The following OR3A2 variants were observed in gnomAD, a reference collection of about 807,000 sequenced individuals.
OR3A2 encodes the protein olfactory receptor family 3 subfamily A member 2.
For missense variants in OR3A2, 318 were observed against 392.8 expected (o/e 0.81, Z 1.61); for synonymous variants, 126 against 159.3 (o/e 0.79, Z 1.57).
rs569988182 is a variant in OR3A2 at position 3,333,410 on chromosome 17, G to C, written c.-85+2623C>G. 7.6e-4 allele frequency among the ~76,000 whole-genome samples: 116 copies of C among 152,216 alleles called. 1 individual carries two copies. Among genetic ancestry groups the C allele is most frequent in the Admixed American group, 1.6e-3 (24 of 15,282 alleles). ...ATTTTGCCTTTGCCTTGTGATCTTTGCTTTGCCCTTTGCCTTGTGATCTTT... is the reference window on the plus strand; with the variant it reads ...ATTTTGCCTTTGCCTTGTGATCTTTCCTTTGCCCTTTGCCTTGTGATCTTT... On this transcript the variant is annotated intron_variant, in intron 3 of 4. Coordinates refer to the OR3A2 transcript ENST00000573491.
rs1222910196 is a variant in OR3A2 at position 3,326,002 on chromosome 17, C to T, written c.-85+10031G>A. Among the ~76,000 whole-genome samples the T allele has an allele frequency of 2.0e-5, 3 of 152,062 alleles. No homozygotes were observed. In the East Asian group the frequency reaches 5.8e-4, roughly 29 times the overall value. On this transcript the variant is annotated intron_variant, in intron 3 of 4. Transcript: ENST00000573491. ...TTCCCCGAATGTGTCCATGTGCTCT[C>T]ATAGTTCATCTCCCGCTTATAAGTG...
chr17:3,352,300 G>C (rs922045417), intron 2 of OR3A2, among the ~76,000 whole-genome samples: 5 of 151,800 alleles, frequency 3.3e-5, no homozygotes, highest in Non-Finnish European at 7.4e-5. Context: ...GCCTCTGCTT[G>C]TGGAATATTA....
upstream of OR3A2, among the ~76,000 whole-genome samples, chr17:3,284,929 G>C (rs115133950): frequency 6.6e-6 from 1 of 152,048 alleles, no homozygotes; most frequent in Non-Finnish European, 1.5e-5. Context: ...CCAGAAGGGA[G>C]ATAAGAGGGA....
chr17:3,278,242 CT>C lies in OR3A2; in HGVS notation c.675del (p.Ala226LeufsTer38). ...ACTGAACGGATTCGTAGAACTGCAG[CT>C]GCCACGTGGCTGTAGGCAGTGATGA... On this transcript the variant is annotated frameshift_variant, in exon 2 of 2. Transcript: ENST00000642052. LOFTEE classifies it low-confidence loss of function (END_TRUNC). 6.2e-7 allele frequency: 1 copy of C among 1,614,228 alleles called. No homozygotes were observed. The highest frequency in any genetic ancestry group is 1.3e-5 in the African/African-American group (1 of 75,054).
chr17:3,332,262 T>A (rs1436860083), intron 3 of OR3A2, among the ~76,000 whole-genome samples: 1 of 152,228 alleles, frequency 6.6e-6, no homozygotes, highest in East Asian at 1.9e-4. Flanking sequence ...CGCGGCTGCT[T>A]TGTTTACCTA....
At chr17:3,369,594 GTATAT>G (rs564163307) in intron 2 of OR3A2, among the ~76,000 whole-genome samples, 141 of 152,096 alleles carry the variant, frequency 9.3e-4, no homozygotes, top group Admixed American at 1.8e-3. Context: ...CTTGATCTTC[GTATAT>G]TATATTTTCG....
chr17:3,277,985 C>T (rs1345291464), exon 2 of OR3A2: 1 of 1,598,360 alleles, frequency 6.3e-7, no homozygotes, highest in South Asian at 1.1e-5. Flanking sequence ...TCAGTGATCT[C>T]CTCCCCAAAA....
intron 3 of OR3A2, among the ~76,000 whole-genome samples, chr17:3,300,572 T>C (rs2625455): frequency 1.3e-5 from 2 of 151,736 alleles, no homozygotes; most frequent in South Asian, 2.1e-4. Flanking sequence ...ATAAATAAAT[T>C]AATTAATTAA....
At chr17:3,279,423 A>G (rs1689382683) in intron 1 of OR3A2, among the ~76,000 whole-genome samples, 1 of 152,244 alleles carries the variant, frequency 6.6e-6, no homozygotes. Context: ...AAGTTTTCCT[A>G]TTGCTCTCTG....
At position 3,321,640 on chromosome 17, in the gene OR3A2, C is replaced by T. The variant is rs199565874; in HGVS notation, c.-85+14393G>A. On this transcript the variant is annotated intron_variant, in intron 3 of 4. Coordinates refer to the OR3A2 transcript ENST00000573491. ...TTTTCTGCATCTATTGAGATAATCA[C>T]GTGGTTTTTGTCTTTGGTTCTGTTT... 8.6e-3 allele frequency among the ~76,000 whole-genome samples: 1,307 copies of T among 152,138 alleles called. 11 individuals carry two copies. The highest frequency in any genetic ancestry group is 0.014 in the South Asian group (69 of 4,806).
At chr17:3,291,178 T>A (rs1218537023) in intron 3 of OR3A2, 1 of 154,542 alleles carries the variant, frequency 6.5e-6, no homozygotes, top group East Asian at 1.9e-4. Flanking sequence ...GCTTTTAGAG[T>A]TCTGATGGGA....
chr17:3,360,809 T>C (rs2049507205), intron 2 of OR3A2, among the ~76,000 whole-genome samples: 1 of 151,880 alleles, frequency 6.6e-6, no homozygotes, highest in South Asian at 2.1e-4. Flanking sequence ...CATGCTGTTT[T>C]GGTTACTGTA....
At chr17:3,355,460 CTTT>C (rs2049459321) in intron 2 of OR3A2, among the ~76,000 whole-genome samples, 1 of 95,456 alleles carries the variant, frequency 1.0e-5, no homozygotes, top group African/African-American at 5.4e-5. Flanking sequence ...CTCTCTCTCT[CTTT>C]AGCTCTAATA....
At chr17:3,370,873 C>G (rs1567570680) in intron 2 of OR3A2, among the ~76,000 whole-genome samples, 1 of 152,034 alleles carries the variant, frequency 6.6e-6, no homozygotes, top group Non-Finnish European at 1.5e-5. Context: ...CAAAGCACAT[C>G]TTGCACTGCC....
Position 3,323,052 on chromosome 17 carries a change from T to A in OR3A2, c.-85+12981A>T, listed in dbSNP as rs1196009913. On this transcript the variant is annotated intron_variant, in intron 3 of 4. Transcript: ENST00000573491. Reference sequence around the variant, plus strand: ...GGACTTGCTTTATGAATTTGGGTGCTCCTGTATTGGGTGCATATATATTTA... The same window carrying A: ...GGACTTGCTTTATGAATTTGGGTGCACCTGTATTGGGTGCATATATATTTA... Among the ~76,000 whole-genome samples, 6 of 152,176 alleles carry A rather than the reference T, an allele frequency of 3.9e-5. No individual in the cohort carries two copies. The East Asian group carries it at 9.6e-4, about 24-fold the overall frequency.
upstream of OR3A2, among the ~76,000 whole-genome samples, chr17:3,289,048 CAG>C (rs1056881453): frequency 2.0e-5 from 3 of 151,994 alleles, no homozygotes; most frequent in South Asian, 2.1e-4. Flanking sequence ...GCAATATAGA[CAG>C]AGAAAAGTCA....
chr17:3,369,805 C>CT (rs35233474), intron 2 of OR3A2, among the ~76,000 whole-genome samples: 14,643 of 134,590 alleles, frequency 0.11, 1,322 homozygotes, highest in East Asian at 0.47. Context: ...TAGATTGGTA[C>CT]TTTTTTTTTT....
Position 3,301,271 on chromosome 17 carries a change from T to A in OR3A2, c.-84-22118A>T, listed in dbSNP as rs1034303979. On this transcript the variant is annotated intron_variant, in intron 3 of 4. Coordinates refer to the OR3A2 transcript ENST00000573491. ...AGTTCCGTGAGGAATCGCCACACTG[T>A]CTTCCACAATGGTTGAACTAGTTTA... Among the ~76,000 whole-genome samples the A allele has an allele frequency of 5.6e-4, 85 of 152,322 alleles. No homozygotes were observed. The Middle Eastern group carries it at 0.01, about 18-fold the overall frequency.
chr17:3,286,824 T>G (rs2048817436), upstream of OR3A2, among the ~76,000 whole-genome samples: 1 of 152,232 alleles, frequency 6.6e-6, no homozygotes, highest in Admixed American at 6.5e-5. Context: ...TATTAGCTCT[T>G]TGTCAGATGG....
Sources: gnomAD v4.1 joint callset for allele counts (sites outside exome capture counted in the v4.1 genomes callset) on GRCh38, gnomAD v4.1.1 for gene constraint, MANE v1.5 for transcripts, NCBI Gene and HGNC (gene_info 2026-07-23, HGNC 2026-07-21) for gene names.